Variants in SHISA9 observed in about 807,000 individuals in gnomAD.
SHISA9 encodes shisa family member 9, also known as protein shisa-9.
SHISA9 carries 13 observed loss-of-function variants against 38.0 expected under a neutral mutation model. That is an observed-to-expected ratio of 0.34 (90% CI 0.22 to 0.54). SHISA9 has a LOEUF of 0.54. Among genes scored for constraint, SHISA9 ranks in the 20% least tolerant of loss-of-function variants. The pLI is 0.91. For synonymous variants in SHISA9, 275 were observed against 242.0 expected, an observed-to-expected ratio of 1.14 and a Z score of -1.27; for missense variants, 538 against 575.8, an observed-to-expected ratio of 0.93 and a Z score of 0.67.
At chr16:13,482,235 C>T in the SHISA9 span, among the ~76,000 whole-genome samples, 1 of 152,258 alleles carries the variant, frequency 6.6e-6, no homozygotes, top group African/African-American at 2.4e-5. Context: ...CCTGCCAAGT[C>T]ACCATGGGTG....
chr16:13,221,339 T>A (rs546781806), intron 4 of SHISA9, among the ~76,000 whole-genome samples: 2 of 150,918 alleles, frequency 1.3e-5, no homozygotes, highest in East Asian at 3.9e-4. Context: ...AACTCAGGCT[T>A]TTTTTTTCCT....
At chr16:13,499,745 A>T in the SHISA9 span, among the ~76,000 whole-genome samples, 1 of 152,212 alleles carries the variant, frequency 6.6e-6, no homozygotes, top group Admixed American at 6.5e-5. Flanking sequence ...CACTTTGAAC[A>T]TATGAGTGCA....
At chr16:12,918,212 G>A (rs1386671418) in intron 2 of SHISA9, among the ~76,000 whole-genome samples, 1 of 152,138 alleles carries the variant, frequency 6.6e-6, no homozygotes, top group East Asian at 1.9e-4. Flanking sequence ...ATGGTAAATG[G>A]CATCAATTCT....
At chr16:13,190,345 T>C (rs1376493895) in intron 2 of SHISA9, among the ~76,000 whole-genome samples, 2 of 152,076 alleles carry the variant, frequency 1.3e-5, no homozygotes, top group African/African-American at 4.8e-5. Flanking sequence ...CTTTAGTCTT[T>C]AGAATGATGA....
chr16:13,043,286 T>G (rs1292865519), intron 2 of SHISA9, among the ~76,000 whole-genome samples: 1 of 152,158 alleles, frequency 6.6e-6, no homozygotes, highest in Non-Finnish European at 1.5e-5. Flanking sequence ...TCCATCCATA[T>G]TCTGCTGGGC....
the SHISA9 span, among the ~76,000 whole-genome samples, chr16:13,329,250 C>T: frequency 6.6e-6 from 1 of 152,122 alleles, no homozygotes; most frequent in Admixed American, 6.6e-5. Flanking sequence ...TTTTCCTTTC[C>T]GGCGCCCCTC....
At chr16:13,078,788 A>G (rs1271969862) in intron 2 of SHISA9, among the ~76,000 whole-genome samples, 1 of 152,192 alleles carries the variant, frequency 6.6e-6, no homozygotes, top group Admixed American at 6.5e-5. Flanking sequence ...GCCAGGCTCT[A>G]TTCTAAGTGT....
chr16:12,964,874 A>T (rs1391033858), intron 2 of SHISA9, among the ~76,000 whole-genome samples: 2 of 152,220 alleles, frequency 1.3e-5, no homozygotes, highest in African/African-American at 2.4e-5. Flanking sequence ...AATTGAGAAC[A>T]TACTTCTATT....
the SHISA9 span, among the ~76,000 whole-genome samples, chr16:13,271,753 G>A: frequency 6.6e-6 from 1 of 152,104 alleles, no homozygotes; most frequent in East Asian, 1.9e-4. Flanking sequence ...AACTCAAAAT[G>A]AGGATGAGGG....
chr16:13,339,689 T>C, the SHISA9 span, among the ~76,000 whole-genome samples: 1 of 152,154 alleles, frequency 6.6e-6, no homozygotes, highest in African/African-American at 2.4e-5. Flanking sequence ...AACAGCATGG[T>C]GTTTAACCAT....
At chr16:13,529,781 T>G in the SHISA9 span, among the ~76,000 whole-genome samples, 1 of 152,220 alleles carries the variant, frequency 6.6e-6, no homozygotes, top group South Asian at 2.1e-4. Flanking sequence ...TCTTTCTTCC[T>G]CATAGAAGTA....
At chr16:13,194,396 GT>G (rs2050917254) in intron 2 of SHISA9, among the ~76,000 whole-genome samples, 1 of 152,172 alleles carries the variant, frequency 6.6e-6, no homozygotes, top group Non-Finnish European at 1.5e-5. Context: ...AGACTGTCAG[GT>G]TCAAAGCTTG....
At chr16:13,207,470 T>TA (rs5815743) in intron 3 of SHISA9, among the ~76,000 whole-genome samples, 6 of 149,782 alleles carry the variant, frequency 4.0e-5, no homozygotes, top group Middle Eastern at 3.4e-3. Context: ...TTGACAAGAA[T>TA]AAAAAAAAAA....
chr16:13,173,377 T>TAC (rs34832916), intron 2 of SHISA9, among the ~76,000 whole-genome samples: 18,927 of 142,788 alleles, frequency 0.13, 1,399 homozygotes, highest in African/African-American at 0.22. Context: ...TGTGTGCATG[T>TAC]ACACACACAC....
chr16:12,993,476 T>C (rs1217425254), intron 2 of SHISA9, among the ~76,000 whole-genome samples: 1 of 152,098 alleles, frequency 6.6e-6, no homozygotes, highest in Non-Finnish European at 1.5e-5. Flanking sequence ...AATCAATACA[T>C]CTAGAGCAGG....
intron 2 of SHISA9, among the ~76,000 whole-genome samples, chr16:12,970,166 A>C (rs1469742593): frequency 6.7e-6 from 1 of 149,504 alleles, no homozygotes; most frequent in Non-Finnish European, 1.5e-5. Flanking sequence ...CCTTATTTTT[A>C]AGGAATATAT....
At chr16:13,005,608 C>G (rs932709580) in intron 2 of SHISA9, among the ~76,000 whole-genome samples, 10 of 152,154 alleles carry the variant, frequency 6.6e-5, no homozygotes, top group African/African-American at 2.4e-4. Context: ...CTTGGATTGA[C>G]TTTTACCAGG....
At chr16:13,336,601 GA>G in the SHISA9 span, among the ~76,000 whole-genome samples, 9 of 152,154 alleles carry the variant, frequency 5.9e-5, no homozygotes, top group Non-Finnish European at 8.8e-5. Context: ...TAACTCATTT[GA>G]AAGATGAGAA....
chr16:13,360,037 T>C, the SHISA9 span, among the ~76,000 whole-genome samples: 2 of 152,164 alleles, frequency 1.3e-5, no homozygotes, highest in African/African-American at 4.8e-5. Context: ...TTGGGGAACT[T>C]GACTTGCTGG....
Sources: allele counts gnomAD v4.1 joint callset (sites outside exome capture counted in the v4.1 genomes callset), GRCh38; gene constraint gnomAD v4.1.1; transcripts MANE v1.5; gene names NCBI Gene and HGNC (gene_info 2026-07-23, HGNC 2026-07-21).